The following UNC80 variants were observed in gnomAD, a reference collection of about 807,000 sequenced individuals.
UNC80 encodes unc-80 subunit of NALCN channel complex, also known as protein unc-80 homolog.
Under a neutral mutation model 384.6 loss-of-function variants are expected in UNC80, and 164 were observed. The observed-to-expected ratio is 0.43, with a 90% CI of 0.38 to 0.49. The LOEUF (loss-of-function observed/expected upper bound fraction) is 0.49, where lower values mean the gene tolerates loss of function less well. Ranked by LOEUF, UNC80 falls within the 20% of genes least tolerant of loss-of-function variation. The probability of loss-of-function intolerance (pLI) is 0.00; values close to 1 mark genes in which losing one functional copy is unlikely to be tolerated. For synonymous variants in UNC80, 1,486 were observed against 1,527.8 expected (o/e 0.97, Z 0.64); for missense variants, 3,330 against 4,143.0 (o/e 0.80, Z 5.39).
Position 209,941,348 on chromosome 2 carries a change from T to G in UNC80, c.6774T>G (p.Val2258=). Residue 2258 remains valine (V), a synonymous_variant, in exon 44 of 65, where the codon GTT becomes GTG. Transcript: ENST00000673920. ...ACGAAATCATGCTTTTCCTCAACGT[T>G]TTTAACGGGGCTCTGATCCTCCACC... The part of the protein sequence containing the change: ...WGDEIMLFLN[V]FNGALILHPE... The G allele has an allele frequency of 6.4e-7, 1 of 1,551,152 alleles. No individual in the cohort carries two copies. Among genetic ancestry groups the G allele is most frequent in the Non-Finnish European group, 8.7e-7 (1 of 1,146,626 alleles).
intron 4 of UNC80, among the ~76,000 whole-genome samples, chr2:209,785,411 C>A (rs754182452): frequency 1.3e-5 from 2 of 152,170 alleles, no homozygotes. Context: ...CAGCCCTATT[C>A]AGCAAGTATT....
rs1575226733 is a variant in UNC80, at chr2:209,984,843, A to C, written c.9258-13A>C. 5.2e-6 allele frequency: 8 copies of C among 1,524,966 alleles called. No individual in the cohort carries two copies. Among genetic ancestry groups the C allele is most frequent in the Middle Eastern group, 1.7e-4 (1 of 5,900 alleles). 94.5% of individuals were successfully genotyped at this position (1,524,966 alleles called of 1,614,324 possible). Reference sequence around the variant, plus strand: ...CTTTCCCTAAATGCTTCATCTCCCTACCCCTCCTGCAGTGAACCTAATGTC... The same window carrying C: ...CTTTCCCTAAATGCTTCATCTCCCTCCCCCTCCTGCAGTGAACCTAATGTC... On this transcript the variant is annotated splice_polypyrimidine_tract_variant and intron_variant, in intron 60 of 64. Coordinates refer to ENST00000673920, the MANE Select transcript of UNC80 (RefSeq NM_001371986.1).
At position 209,853,657 on chromosome 2, in the gene UNC80, AAAATT is replaced by A. The variant is rs541713610; in HGVS notation, c.3627+4038_3627+4042del. Among the ~76,000 whole-genome samples, 3 of 152,060 alleles carry A rather than the reference AAAATT, an allele frequency of 2.0e-5. No homozygotes were observed. In the South Asian group the frequency reaches 6.2e-4, roughly 32 times the overall value. On this transcript the variant is annotated intron_variant, in intron 22 of 64. Transcript: ENST00000673920. The stretch of plus-strand genomic sequence containing the variant: ...CAAAACTAAAAAGAAAATAAAAAGA[AAAATT>A]AAACAGTTCAAGCAAAAGGTATGTC...
chr2:209,843,526 T>G (rs1254921610), intron 21 of UNC80, among the ~76,000 whole-genome samples: 1 of 151,968 alleles, frequency 6.6e-6, no homozygotes, highest in Non-Finnish European at 1.5e-5. Flanking sequence ...AGAATCCATT[T>G]TCAATCCTTT....
chr2:209,887,858 T>C (rs1030769229), intron 25 of UNC80, among the ~76,000 whole-genome samples: 2 of 152,148 alleles, frequency 1.3e-5, no homozygotes, highest in Non-Finnish European at 2.9e-5. Context: ...GCCTATGCTT[T>C]TGGAAGGTAA....
intron 64 of UNC80, among the ~76,000 whole-genome samples, chr2:209,994,776 T>A (rs1357185584): frequency 6.6e-6 from 1 of 152,184 alleles, no homozygotes; most frequent in African/African-American, 2.4e-5. Context: ...AGATAAAGGA[T>A]AGCTGAAAGA....
chr2:209,863,816 A>G (rs1163840767), intron 22 of UNC80, among the ~76,000 whole-genome samples: 3 of 151,788 alleles, frequency 2.0e-5, no homozygotes, highest in Non-Finnish European at 4.4e-5. Flanking sequence ...TCTATTACCC[A>G]TCTTCTGAAG....
intron 8 of UNC80, among the ~76,000 whole-genome samples, 199 bp downstream of exon 8, chr2:209,814,040 G>A (rs1382275271): frequency 1.3e-5 from 2 of 152,082 alleles, no homozygotes; most frequent in Admixed American, 6.6e-5. Context: ...TTGAAGAAGT[G>A]CACCTCTTGC....
At chr2:209,818,488 C>T (rs2079904856) in intron 11 of UNC80, among the ~76,000 whole-genome samples, 1 of 152,088 alleles carries the variant, frequency 6.6e-6, no homozygotes, top group Non-Finnish European at 1.5e-5. Flanking sequence ...CTCATAGAAG[C>T]ATAAATTTAG....
intron 29 of UNC80, among the ~76,000 whole-genome samples, chr2:209,908,954 A>G (rs2088593481): frequency 1.3e-5 from 2 of 152,186 alleles, no homozygotes; most frequent in East Asian, 1.9e-4. Flanking sequence ...GCTGACTTCA[A>G]TTTCCACAAA....
chr2:209,828,183 A>G (rs1174911654), intron 14 of UNC80, among the ~76,000 whole-genome samples: 2 of 152,218 alleles, frequency 1.3e-5, no homozygotes, highest in African/African-American at 4.8e-5. Flanking sequence ...AGCTTTATAA[A>G]TGCTGCAATA....
intron 7 of UNC80, among the ~76,000 whole-genome samples, chr2:209,810,366 A>G (rs955951684): frequency 5.9e-5 from 9 of 152,130 alleles, no homozygotes; most frequent in Admixed American, 5.2e-4. Context: ...TATCAAGGAA[A>G]CGTTTTGTAT....
chr2:209,966,272 G>C (rs1374896924), intron 51 of UNC80, among the ~76,000 whole-genome samples: 6 of 152,150 alleles, frequency 3.9e-5, no homozygotes, highest in African/African-American at 1.4e-4. Context: ...GAACATTTCA[G>C]CCACTGTGTC....
chr2:209,883,220 A>G (rs964427830), intron 25 of UNC80, among the ~76,000 whole-genome samples: 1 of 152,102 alleles, frequency 6.6e-6, no homozygotes, highest in African/African-American at 2.4e-5. Flanking sequence ...ATTGTTTTCT[A>G]TTTTTAAATT....
Position 209,813,603 on chromosome 2 carries a change from G to T in UNC80, c.962G>T (p.Cys321Phe). The change falls in exon 8 of 65, where the codon TGC becomes TTC. Residue 321 changes from cysteine to phenylalanine, a missense_variant. Cys to Phe is a radical substitution (Grantham distance 205, BLOSUM62 -2). Around this residue, in one of 8 missense-constraint regions of UNC80, gnomAD observed 937 missense variants for 1,026.8 expected, o/e 0.91. Coordinates refer to ENST00000673920, the MANE Select transcript of UNC80 (RefSeq NM_001371986.1). ...AGGGCCTCTCTTGTGATACCTCCGT[G>T]CCAAAGGTCCCGCTATGCCACCTAC... The part of the protein sequence containing the change: ...HSRASLVIPP[C>F]QRSRYATYFD... The T allele has an allele frequency of 6.4e-7, 1 of 1,551,684 alleles. No homozygotes were observed. Among genetic ancestry groups the T allele is most frequent in the African/African-American group, 1.4e-5 (1 of 73,152 alleles).
intron 41 of UNC80, 70 bp from the exon 42 acceptor site, chr2:209,937,459 A>G (rs961157209): frequency 1.1e-5 from 13 of 1,208,062 alleles, no homozygotes; most frequent in Non-Finnish European, 1.5e-5. Context: ...ATCTTTGGGT[A>G]AAGAAGAAAT....
At chr2:209,775,572 A>G (rs911797468) in intron 2 of UNC80, among the ~76,000 whole-genome samples, 1 of 152,208 alleles carries the variant, frequency 6.6e-6, no homozygotes, top group Non-Finnish European at 1.5e-5. Context: ...TCATGAGGTT[A>G]AATGTTTTGT....
At chr2:209,833,601 C>G (rs1022558326) in intron 16 of UNC80, among the ~76,000 whole-genome samples, 1 of 152,162 alleles carries the variant, frequency 6.6e-6, no homozygotes, top group African/African-American at 2.4e-5. Context: ...AGAAGCTGAA[C>G]AGGGACCAAA....
intron 7 of UNC80, among the ~76,000 whole-genome samples, chr2:209,799,982 T>C (rs561781117): frequency 6.6e-6 from 1 of 152,346 alleles, no homozygotes; most frequent in African/African-American, 2.4e-5. Flanking sequence ...CAGTATTTTA[T>C]TGAGGATTTT....
Sources: allele counts gnomAD v4.1 joint callset (sites outside exome capture counted in the v4.1 genomes callset), GRCh38; gene constraint gnomAD v4.1.1; regional missense constraint gnomAD v4.1.1; transcripts MANE v1.5; gene names NCBI Gene and HGNC (gene_info 2026-07-23, HGNC 2026-07-21).